The following SPI1 variants were observed in gnomAD, a reference collection of about 807,000 sequenced individuals.
SPI1 encodes the protein Spi-1 proto-oncogene.
A neutral mutation model predicts 30.7 loss-of-function variants in SPI1; 3 were observed. That is an observed-to-expected ratio of 0.10 (90% CI 0.04 to 0.25). The LOEUF (loss-of-function observed/expected upper bound fraction) is 0.25. Ranked by LOEUF, SPI1 falls within the 10% of genes least tolerant of loss-of-function variation. SPI1 has a pLI of 1.00. For synonymous variants in SPI1, 169 were observed against 157.1 expected (o/e 1.08, Z -0.56); for missense variants, 261 against 371.5 (o/e 0.70, Z 2.45).
chr11:47,355,774 A>C (rs1262085042), intron 4 of SPI1, among the ~76,000 whole-genome samples: 58 of 143,016 alleles, frequency 4.1e-4, no homozygotes, highest in South Asian at 9.0e-4. Flanking sequence ...CCACGCACTC[A>C]CCCCCCCCAC....
intron 2 of SPI1, among the ~76,000 whole-genome samples, chr11:47,373,574 G>A (rs1023373753): frequency 6.6e-6 from 1 of 151,926 alleles, no homozygotes; most frequent in African/African-American, 2.4e-5. Flanking sequence ...CTTGGACCCA[G>A]GAGGCGGAGG....
At chr11:47,358,535 T>TTCCC in intron 4 of SPI1, 1 of 684,374 alleles carries the variant, frequency 1.5e-6, no homozygotes, top group Non-Finnish European at 2.7e-6. Flanking sequence ...CACATGCACC[T>TTCCC]GCCCGTACCT....
At chr11:47,363,350 G>A (rs757268365) in intron 2 of SPI1, among the ~76,000 whole-genome samples, 10 of 152,048 alleles carry the variant, frequency 6.6e-5, no homozygotes, top group Non-Finnish European at 1.0e-4. Context: ...ATGAAACCCC[G>A]TCTCTACTGA....
chr11:47,363,589 G>C (rs1339503946), intron 2 of SPI1, among the ~76,000 whole-genome samples: 1 of 152,068 alleles, frequency 6.6e-6, no homozygotes, highest in East Asian at 1.9e-4. Flanking sequence ...CTGGGCTCAA[G>C]TGATCCTCCC....
chr11:47,358,636 A>G (rs374011131), intron 4 of SPI1: 13 of 708,350 alleles, frequency 1.8e-5, no homozygotes, highest in Non-Finnish European at 3.1e-5. Context: ...GGCACACTTC[A>G]TGGAGATGCC....
Position 47,358,837 on chromosome 11 carries a change from G to A in SPI1, c.493+7C>T. On this transcript the variant is annotated splice_region_variant and intron_variant, in intron 4 of 4. Transcript: ENST00000378538. ...TCGGGGCCAGGGTGGAGGGCCAGGT[G>A]CCCCACCTGTCTCCCCAGGCAGGAG... 1 of 1,548,084 alleles carries A rather than the reference G, an allele frequency of 6.5e-7. No individual in the cohort carries two copies. The highest frequency in any genetic ancestry group is 8.7e-7 in the Non-Finnish European group (1 of 1,145,412).
intron 4 of SPI1, among the ~76,000 whole-genome samples, chr11:47,356,067 CCACATGCTCACA>C (rs1183230187): frequency 6.6e-6 from 1 of 151,364 alleles, no homozygotes; most frequent in East Asian, 1.9e-4. Context: ...AGACTCACAC[CCACATGCTCACA>C]CACATGCTTG....
intron 2 of SPI1, among the ~76,000 whole-genome samples, chr11:47,373,612 C>T (rs1407622649): frequency 2.7e-5 from 4 of 150,914 alleles, no homozygotes; most frequent in South Asian, 2.1e-4. Flanking sequence ...TGGGCCACTG[C>T]GCTCTAGCCT....
In SPI1 at chr11:47,375,999, ACACT is replaced by A. The variant is rs569237280; in HGVS notation, c.46-274_46-271del. 4.7e-4 allele frequency among the ~76,000 whole-genome samples: 71 copies of A among 151,654 alleles called. No individual in the cohort carries two copies. The highest frequency in any genetic ancestry group is 8.3e-4 in the South Asian group (4 of 4,812). On this transcript the variant is annotated intron_variant, in intron 1 of 4. Coordinates refer to ENST00000378538, the MANE Select transcript of SPI1 (RefSeq NM_003120.3). The surrounding 1 kb of genome is among the most constrained non-coding windows in gnomAD (Gnocchi z 4.2). ...TACTCCCCATAGCCACCTCACGCTC[ACACT>A]CACACTCACGCCTGTGTGCCCCCAT...
In SPI1 at chr11:47,361,440, G is replaced by A. The variant is rs370384395; in HGVS notation, c.143-1400C>T. The stretch of plus-strand genomic sequence containing the variant: ...TCTGTGGTGGAGGAGACTGAAGTCC[G>A]GGGAATAACCCCATGCCACCAAAAG... On this transcript the variant is annotated intron_variant, in intron 2 of 4. Coordinates refer to ENST00000378538, the MANE Select transcript of SPI1 (RefSeq NM_003120.3). Among the ~76,000 whole-genome samples the A allele has an allele frequency of 8.5e-5, 13 of 152,318 alleles. No homozygotes were observed. The East Asian group carries it at 1.5e-3, about 18-fold the overall frequency.
At chr11:47,357,173 TCA>T (rs1473814512) in intron 4 of SPI1, among the ~76,000 whole-genome samples, 1 of 146,222 alleles carries the variant, frequency 6.8e-6, no homozygotes, top group Non-Finnish European at 1.5e-5. Context: ...TGCTCACATC[TCA>T]CACCCACTCA....
intron 2 of SPI1, among the ~76,000 whole-genome samples, chr11:47,360,781 C>T (rs1281393589): frequency 1.8e-4 from 27 of 147,542 alleles, no homozygotes; most frequent in Admixed American, 7.5e-4. Flanking sequence ...GCCGAGATTG[C>T]GCCACTGCAC....
At chr11:47,378,185 G>A (rs1372312233) in intron 1 of SPI1, 124 bp downstream of exon 1, 1 of 1,053,722 alleles carries the variant, frequency 9.5e-7, no homozygotes, top group Non-Finnish European at 1.4e-6. Flanking sequence ...GTTCCAGGGA[G>A]GAAACCCTGA....
chr11:47,356,209 A>C (rs1190537582), intron 4 of SPI1, among the ~76,000 whole-genome samples: 1 of 150,494 alleles, frequency 6.6e-6, no homozygotes, highest in East Asian at 2.0e-4. Context: ...GCTCACACTC[A>C]CACACATGCT....
intron 2 of SPI1, among the ~76,000 whole-genome samples, chr11:47,371,131 C>A (rs1055751861): frequency 1.1e-4 from 17 of 151,750 alleles, no homozygotes; most frequent in African/African-American, 3.9e-4. Context: ...GAGGCCAAGG[C>A]GGGTGGATCA....
chr11:47,372,766 G>C (rs11039213), intron 2 of SPI1, among the ~76,000 whole-genome samples: 1 of 152,098 alleles, frequency 6.6e-6, no homozygotes, highest in Non-Finnish European at 1.5e-5. Flanking sequence ...TCCTCTGCAC[G>C]TTACCTTACC....
intron 2 of SPI1, 33 bp from the exon 3 acceptor site, chr11:47,360,073 C>T (rs1377669893): frequency 6.7e-7 from 1 of 1,495,938 alleles, no homozygotes; most frequent in Non-Finnish European, 9.0e-7. Context: ...ATGGGGTGAG[C>T]TCAGGGTTGG....
intron 2 of SPI1, among the ~76,000 whole-genome samples, chr11:47,368,490 G>A (rs1461782240): frequency 1.3e-5 from 2 of 152,164 alleles, no homozygotes; most frequent in Non-Finnish European, 2.9e-5. Context: ...ATAGCCAAAC[G>A]GCAGAAACAC....
chr11:47,359,094 G>T lies in SPI1; in HGVS notation c.331-88C>A, dbSNP rs913641394. ...GAGGGAGGTCAGCTGGGGAGAGAAG[G>T]AGTGCAGAGGGCAGGGGACAATGGC... is the stretch of plus-strand genomic sequence containing the variant. On this transcript the variant is annotated intron_variant, in intron 3 of 4. Coordinates refer to ENST00000378538, the MANE Select transcript of SPI1 (RefSeq NM_003120.3). This position sits in a 1 kb window ranked among gnomAD's most constrained non-coding sequence, Gnocchi z 5.1. The T allele has an allele frequency of 7.9e-6, 10 of 1,267,558 alleles. No homozygotes were observed. The African/African-American group carries it at 1.5e-4, about 19-fold the overall frequency. The allele number at this position is 1,267,558 out of a possible 1,614,324, so 78.5% of individuals were successfully genotyped here. A position where few individuals can be genotyped will look rare whatever the true frequency, so the allele number is the denominator to read the frequency against.
Sources: allele counts gnomAD v4.1 joint callset (sites outside exome capture counted in the v4.1 genomes callset), GRCh38; gene constraint gnomAD v4.1.1; non-coding constraint Gnocchi (gnomAD v3.1); transcripts MANE v1.5; gene names NCBI Gene and HGNC (gene_info 2026-07-23, HGNC 2026-07-21).